LCOR: variants seen among roughly 807,000 people sequenced by gnomAD.
LCOR encodes ligand dependent nuclear receptor corepressor, also known as ligand-dependent corepressor.
In LCOR, 14 loss-of-function variants were observed where a neutral mutation model predicts 64.4. The observed-to-expected ratio is 0.22, with a 90% confidence interval of 0.14 to 0.34. The LOEUF (loss-of-function observed/expected upper bound fraction) is 0.34. Among genes scored for constraint, LCOR ranks in the 10% least tolerant of loss-of-function variants. LCOR has a pLI of 1.00. For missense variants in LCOR, 1,686 were observed against 1,765.3 expected (o/e 0.96, Z 0.80); for synonymous variants, 643 against 642.5 (o/e 1.00, Z -0.01).
chr10:96,898,693 T>C (rs1266214724), intron 2 of LCOR, among the ~76,000 whole-genome samples: 1 of 152,222 alleles, frequency 6.6e-6, no homozygotes, highest in African/African-American at 2.4e-5. Context: ...ACGAATTAGC[T>C]GCTTTGATTT....
intron 4 of LCOR, among the ~76,000 whole-genome samples, chr10:96,908,455 G>A (rs2134454141): frequency 6.6e-6 from 1 of 151,926 alleles, no homozygotes; most frequent in African/African-American, 2.4e-5. Context: ...ACTAATTCAT[G>A]TAGATGATGA....
intron 4 of LCOR, among the ~76,000 whole-genome samples, chr10:96,917,688 T>C (rs755173959): frequency 2.6e-4 from 39 of 152,252 alleles, no homozygotes; most frequent in Middle Eastern, 6.8e-3. Context: ...GAGGGTCTTA[T>C]AATAATTCAC....
In LCOR at chr10:96,985,127, C is replaced by CA; in HGVS notation, c.4670dup (p.Ter1558ValfsTer14). On this transcript the variant is annotated frameshift_variant, in exon 8 of 8. Transcript: ENST00000421806. LOFTEE classifies it high-confidence loss of function. ...CACAGCAAACGGAGGCGGCTGGATG[C>CA]AAAGTGATTGGAAAGATGGTAGCCA... is the stretch of plus-strand genomic sequence containing the variant. 6.3e-7 allele frequency: 1 copy of CA among 1,589,928 alleles called. No individual in the cohort carries two copies. The highest frequency in any genetic ancestry group is 8.5e-7 in the Non-Finnish European group (1 of 1,171,454).
intron 4 of LCOR, among the ~76,000 whole-genome samples, chr10:96,917,275 G>T (rs1005349787): frequency 5.9e-5 from 9 of 152,168 alleles, no homozygotes; most frequent in Non-Finnish European, 1.3e-4. Flanking sequence ...TTCTGTGTTT[G>T]GCCAGAGAAG....
At chr10:96,979,821 T>C (rs1848067807) in intron 7 of LCOR, among the ~76,000 whole-genome samples, 1 of 152,160 alleles carries the variant, frequency 6.6e-6, no homozygotes, top group South Asian at 2.1e-4. Flanking sequence ...GCATGACCAA[T>C]TGGTCATGCT....
chr10:96,852,129 A>G (rs1306858681), intron 2 of LCOR, among the ~76,000 whole-genome samples: 1 of 152,216 alleles, frequency 6.6e-6, no homozygotes, highest in East Asian at 1.9e-4. Flanking sequence ...AATTACCTTT[A>G]GGTTAGGCCA....
chr10:96,975,284 T>C (rs895303592), intron 7 of LCOR, among the ~76,000 whole-genome samples: 2 of 152,208 alleles, frequency 1.3e-5, no homozygotes, highest in African/African-American at 4.8e-5. Flanking sequence ...TGCTATATTG[T>C]AAAGTTAGCT....
At chr10:96,965,810 A>G (rs1261267614) in intron 7 of LCOR, among the ~76,000 whole-genome samples, 2 of 152,158 alleles carry the variant, frequency 1.3e-5, no homozygotes, top group South Asian at 4.2e-4. Context: ...CTTAATCAAG[A>G]TTTTTTAAGA....
intron 4 of LCOR, among the ~76,000 whole-genome samples, chr10:96,931,933 C>A (rs1054806237): frequency 6.6e-6 from 1 of 152,174 alleles, no homozygotes; most frequent in Non-Finnish European, 1.5e-5. Context: ...GGATATTACT[C>A]TTTCTGAATT....
At position 96,989,695 on chromosome 10, in the gene LCOR, A is replaced by ATATATATATTTTTTTT. The variant is rs1371771053; in HGVS notation, c.*4562_*4563insATATATATTTTTTTTT. The ATATATATATTTTTTTT allele has an allele frequency of 1.2e-5, 1 of 86,156 alleles. No homozygotes were observed. The highest frequency in any genetic ancestry group is 6.2e-5 in the African/African-American group (1 of 16,168). The allele number at this position is 86,156 out of a possible 1,614,324, so 5.3% of individuals were successfully genotyped here. A position where few individuals can be genotyped will look rare whatever the true frequency, so the allele number is the denominator to read the frequency against. On this transcript the variant is annotated 3_prime_UTR_variant, in exon 8 of 8. Transcript: ENST00000421806. ...TAAGGATATATATATATATATATATATTTTTTTTTTTTTTTTTTTTTTTTA... is the reference window on the plus strand; with the variant it reads ...TAAGGATATATATATATATATATATATATATATATTTTTTTTTTTTTTTTTTTTTTTTTTTTTTTTA...
At chr10:96,912,227 G>A (rs188163407) in intron 4 of LCOR, among the ~76,000 whole-genome samples, 17 of 151,944 alleles carry the variant, frequency 1.1e-4, no homozygotes, top group Non-Finnish European at 1.6e-4. Flanking sequence ...CACTGCACCC[G>A]GCCTTCTTTA....
intron 2 of LCOR, among the ~76,000 whole-genome samples, chr10:96,892,397 A>C (rs1406195164): frequency 6.6e-6 from 1 of 152,124 alleles, no homozygotes; most frequent in African/African-American, 2.4e-5. Flanking sequence ...GGGCTGCCTA[A>C]GTGGCTTATA....
At chr10:96,939,690 C>T (rs1391007420) in intron 4 of LCOR, among the ~76,000 whole-genome samples, 4 of 152,162 alleles carry the variant, frequency 2.6e-5, no homozygotes, top group South Asian at 2.1e-4. Flanking sequence ...CTAGGCCGGG[C>T]GCGGGGCCCA....
intron 2 of LCOR, among the ~76,000 whole-genome samples, chr10:96,865,655 ACC>A (rs1845959077): frequency 6.6e-6 from 1 of 152,056 alleles, no homozygotes; most frequent in Non-Finnish European, 1.5e-5. Flanking sequence ...TGGGCGGATC[ACC>A]TGAGGTCAGG....
At chr10:96,832,889 G>A in intron 1 of LCOR, 3 of 706,690 alleles carry the variant, frequency 4.2e-6, no homozygotes, top group Non-Finnish European at 5.2e-6. Flanking sequence ...CCCCACGCGC[G>A]GGGCGCGCCC....
In LCOR at chr10:96,923,752, A is replaced by G. The variant is rs555976595; in HGVS notation, c.-184+16005A>G. ...CAGTGATATCTTTGCTATTTCAGGG[A>G]CCATTGGAGCTATTTCTGTTACAGT... On this transcript the variant is annotated intron_variant, in intron 4 of 7. Transcript: ENST00000421806. 2.8e-4 allele frequency among the ~76,000 whole-genome samples: 42 copies of G among 152,268 alleles called. No homozygotes were observed. The South Asian group carries it at 8.5e-3, about 31-fold the overall frequency.
chr10:96,874,427 T>C (rs757657686), intron 2 of LCOR, among the ~76,000 whole-genome samples: 3 of 152,196 alleles, frequency 2.0e-5, no homozygotes, highest in Non-Finnish European at 4.4e-5. Context: ...ATGCATATTT[T>C]AGTGTACTGC....
chr10:96,843,062 A>G (rs951519481), intron 2 of LCOR, among the ~76,000 whole-genome samples: 10 of 152,122 alleles, frequency 6.6e-5, no homozygotes, highest in Admixed American at 6.6e-4. Context: ...TATTGTTGCC[A>G]TTGCATGGAT....
At chr10:96,966,218 C>CTGT in intron 7 of LCOR, among the ~76,000 whole-genome samples, 1 of 99,750 alleles carries the variant, frequency 1.0e-5, no homozygotes, top group Non-Finnish European at 2.0e-5. Context: ...CCCCAAAGGA[C>CTGT]TCTTTTTTTT....
Sources: allele counts gnomAD v4.1 joint callset (sites outside exome capture counted in the v4.1 genomes callset), GRCh38; gene constraint gnomAD v4.1.1; transcripts MANE v1.5; gene names NCBI Gene and HGNC (gene_info 2026-07-23, HGNC 2026-07-21).